Variants in GALNT17 observed in about 807,000 individuals in gnomAD.
GALNT17 encodes UDP-GalNAc:polypeptide N-acetylgalactosaminyltransferase-like 3.
GALNT17 carries 29 observed loss-of-function variants against 63.7 expected under a neutral mutation model. That is an observed-to-expected ratio of 0.46 (90% confidence interval 0.34 to 0.62). The LOEUF (loss-of-function observed/expected upper bound fraction) is 0.62, where lower values mean the gene tolerates loss of function less well. Among genes scored for constraint, GALNT17 ranks in the 20% least tolerant of loss-of-function variants. The pLI, the probability that GALNT17 is intolerant of heterozygous loss-of-function variation, is 0.01. For synonymous variants in GALNT17, 305 were observed against 318.3 expected, an observed-to-expected ratio of 0.96 and a Z score of 0.45; for missense variants, 603 against 799.6, an observed-to-expected ratio of 0.75 and a Z score of 2.97.
intron 3 of GALNT17, among the ~76,000 whole-genome samples, chr7:71,396,447 G>A (rs56857121): frequency 0.019 from 2,928 of 152,070 alleles, 63 homozygotes; most frequent in African/African-American, 0.047. Context: ...GAGTTATTTT[G>A]GGACTCTCAA....
chr7:71,145,307 C>T (rs1197223643), intron 1 of GALNT17, among the ~76,000 whole-genome samples: 2 of 152,090 alleles, frequency 1.3e-5, no homozygotes, highest in East Asian at 3.9e-4. Flanking sequence ...CGCAGCCTGG[C>T]AACAAAGCGA....
At chr7:71,608,361 G>C (rs75406098) in intron 6 of GALNT17, among the ~76,000 whole-genome samples, 17,456 of 152,142 alleles carry the variant, frequency 0.11, 1,137 homozygotes, top group Non-Finnish European at 0.15. Context: ...ACCAGGGGTT[G>C]GGGGAGGGGG....
intron 5 of GALNT17, among the ~76,000 whole-genome samples, chr7:71,490,199 G>A (rs1787983107): frequency 1.3e-5 from 2 of 151,510 alleles, no homozygotes; most frequent in Non-Finnish European, 2.9e-5. Flanking sequence ...AGAGGTTGCA[G>A]TGAGCTGAGA....
intron 3 of GALNT17, among the ~76,000 whole-genome samples, chr7:71,392,916 T>C (rs1793075758): frequency 6.6e-6 from 1 of 152,208 alleles, no homozygotes; most frequent in South Asian, 2.1e-4. Flanking sequence ...ATTATCGAGT[T>C]TTGTAAATGT....
intron 1 of GALNT17, among the ~76,000 whole-genome samples, chr7:71,254,785 T>C (rs1443799626): frequency 1.3e-5 from 2 of 152,170 alleles, no homozygotes; most frequent in African/African-American, 4.8e-5. Context: ...GCCCACAGGA[T>C]TTGTTACTTG....
intron 9 of GALNT17, among the ~76,000 whole-genome samples, chr7:71,679,094 C>G (rs1259183973): frequency 1.3e-5 from 2 of 152,162 alleles, no homozygotes; most frequent in Non-Finnish European, 2.9e-5. Flanking sequence ...TCTCCTCTCC[C>G]TGAAGGTTCT....
In GALNT17 at chr7:71,540,093, C is replaced by CTTTTTTTT. The variant is rs71089954; in HGVS notation, c.963-31164_963-31157dup. Among the ~76,000 whole-genome samples the CTTTTTTTT allele has an allele frequency of 4.0e-3, 135 of 33,550 alleles. 35 individuals carry two copies. Among genetic ancestry groups the CTTTTTTTT allele is most frequent in the Non-Finnish European group, 5.8e-3 (104 of 18,024 alleles). 22.0% of individuals were successfully genotyped at this position (33,550 alleles called of 152,430 possible). ...ACAGTTGTGAGCCACTGTGCCTGGC[C>CTTTTTTTT]TTTTTTTTTTTTTTTTTTTTTTTTT... On this transcript the variant is annotated intron_variant, in intron 5 of 10. Transcript: ENST00000333538.
At chr7:71,541,270 T>C in intron 5 of GALNT17, among the ~76,000 whole-genome samples, 1 of 146,280 alleles carries the variant, frequency 6.8e-6, no homozygotes. Context: ...CTGCGTATGA[T>C]GGGTGGCCTG....
At chr7:71,161,782 C>T (rs1052797896) in intron 1 of GALNT17, among the ~76,000 whole-genome samples, 16 of 151,992 alleles carry the variant, frequency 1.1e-4, no homozygotes, top group Admixed American at 4.6e-4. Context: ...GATTTGTAAT[C>T]GTCTTTTATT....
chr7:71,300,405 C>A (rs1279152566), intron 1 of GALNT17: 2 of 456,018 alleles, frequency 4.4e-6, no homozygotes, highest in South Asian at 3.1e-5. Flanking sequence ...TGTCTGTCTT[C>A]CCTCCTGTGT....
chr7:71,503,686 G>A (rs777910721), intron 5 of GALNT17, among the ~76,000 whole-genome samples: 1 of 152,238 alleles, frequency 6.6e-6, no homozygotes, highest in Non-Finnish European at 1.5e-5. Flanking sequence ...AGGTTCATGA[G>A]AGTGTGTTAT....
chr7:71,449,443 G>A (rs1437255414), intron 5 of GALNT17, among the ~76,000 whole-genome samples: 1 of 151,884 alleles, frequency 6.6e-6, no homozygotes, highest in Non-Finnish European at 1.5e-5. Context: ...TAAGTAATTT[G>A]CCTCTTTATT....
In GALNT17 at chr7:71,250,140, T is replaced by C. The variant is rs540507857; in HGVS notation, c.239-85410T>C. ...CTCTAGTAGTACAAGTATTCTTTTTTATTGGAAAGCATTAGTTTCTCATTC... is the reference window on the plus strand; with the variant it reads ...CTCTAGTAGTACAAGTATTCTTTTTCATTGGAAAGCATTAGTTTCTCATTC... On this transcript the variant is annotated intron_variant, in intron 1 of 10. Transcript: ENST00000333538. Among the ~76,000 whole-genome samples, 21 of 152,342 alleles carry C rather than the reference T, an allele frequency of 1.4e-4. No individual in the cohort carries two copies. The South Asian group carries it at 4.1e-3, about 30-fold the overall frequency.
chr7:71,190,265 T>G (rs1788927577), intron 1 of GALNT17, among the ~76,000 whole-genome samples: 1 of 152,204 alleles, frequency 6.6e-6, no homozygotes, highest in African/African-American at 2.4e-5. Flanking sequence ...ATACCAATGC[T>G]GGAGTTGGGG....
intron 5 of GALNT17, among the ~76,000 whole-genome samples, chr7:71,547,591 A>C (rs1415461409): frequency 6.6e-6 from 1 of 152,052 alleles, no homozygotes; most frequent in Non-Finnish European, 1.5e-5. Flanking sequence ...CCAGCCTTAA[A>C]TTCTGTTTCA....
intron 9 of GALNT17, among the ~76,000 whole-genome samples, chr7:71,708,994 C>T (rs1791755613): frequency 6.6e-6 from 1 of 152,170 alleles, no homozygotes; most frequent in South Asian, 2.1e-4. Context: ...CATACCTTTG[C>T]TATTGTGAAT....
intron 5 of GALNT17, among the ~76,000 whole-genome samples, chr7:71,509,178 A>G (rs1788313742): frequency 6.6e-6 from 1 of 152,234 alleles, no homozygotes; most frequent in South Asian, 2.1e-4. Context: ...TATTCAATAA[A>G]TTACATGAGA....
At chr7:71,710,486 C>T (rs2115567159) in intron 9 of GALNT17, among the ~76,000 whole-genome samples, 1 of 152,232 alleles carries the variant, frequency 6.6e-6, no homozygotes, top group Middle Eastern at 3.4e-3. Context: ...CCAGACAGGA[C>T]AACAGAGTGA....
intron 5 of GALNT17, among the ~76,000 whole-genome samples, chr7:71,486,124 T>A (rs1787904510): frequency 6.6e-6 from 1 of 151,648 alleles, no homozygotes; most frequent in Non-Finnish European, 1.5e-5. Context: ...AGGTCAGGAG[T>A]TCAAGACCAA....
Sources: gnomAD v4.1 joint callset for allele counts (sites outside exome capture counted in the v4.1 genomes callset) on GRCh38, gnomAD v4.1.1 for gene constraint, MANE v1.5 for transcripts, NCBI Gene and HGNC (gene_info 2026-07-23, HGNC 2026-07-21) for gene names.